Variants in FAF1 observed in about 807,000 individuals in gnomAD.
FAF1 encodes the protein Fas associated factor 1.
A neutral mutation model predicts 92.5 loss-of-function variants in FAF1; 25 were observed. That is an observed-to-expected ratio of 0.27 (90% CI 0.20 to 0.38). The LOEUF is 0.38. FAF1 is among the 10% of genes least tolerant of loss of function. The pLI, the probability that FAF1 is intolerant of heterozygous loss-of-function variation, is 1.00. For synonymous variants in FAF1, 234 were observed against 273.2 expected (o/e 0.86, Z 1.42); for missense variants, 636 against 793.3 (o/e 0.80, Z 2.38).
intron 13 of FAF1, among the ~76,000 whole-genome samples, chr1:50,566,730 A>C (rs556081798): frequency 3.3e-5 from 5 of 152,206 alleles, no homozygotes; most frequent in Non-Finnish European, 7.4e-5. Context: ...TACTACTAGG[A>C]TTATATATTA....
At chr1:50,605,286 C>G (rs1416674772) in intron 8 of FAF1, among the ~76,000 whole-genome samples, 1 of 152,138 alleles carries the variant, frequency 6.6e-6, no homozygotes, top group Non-Finnish European at 1.5e-5. Context: ...TACTTCATTA[C>G]TTATTGATTT....
chr1:50,580,163 A>G (rs2149064543), intron 12 of FAF1, among the ~76,000 whole-genome samples: 1 of 152,104 alleles, frequency 6.6e-6, no homozygotes, highest in East Asian at 1.9e-4. Flanking sequence ...ATTAAAATTT[A>G]TTTGAAGTTT....
At chr1:50,869,367 T>C (rs1644508492) in intron 1 of FAF1, among the ~76,000 whole-genome samples, 1 of 152,180 alleles carries the variant, frequency 6.6e-6, no homozygotes, top group African/African-American at 2.4e-5. Context: ...GTAATTATTA[T>C]GGTTGGGCTT....
chr1:50,954,539 G>C (rs1415488011), intron 1 of FAF1, among the ~76,000 whole-genome samples: 8 of 97,236 alleles, frequency 8.2e-5, no homozygotes, highest in Non-Finnish European at 1.5e-4. Flanking sequence ...AAAAAATTTT[G>C]ATTTTTTTTT....
intron 1 of FAF1, among the ~76,000 whole-genome samples, chr1:50,949,247 G>A (rs909217287): frequency 1.3e-5 from 2 of 152,234 alleles, no homozygotes; most frequent in Non-Finnish European, 2.9e-5. Flanking sequence ...CCAGCAACCT[G>A]TGGTTTAACA....
intron 1 of FAF1, among the ~76,000 whole-genome samples, chr1:50,907,481 T>C (rs531882465): frequency 6.0e-4 from 92 of 152,376 alleles, no homozygotes; most frequent in African/African-American, 2.2e-3. Flanking sequence ...GTACCTCTGG[T>C]AGAATTCGGT....
chr1:50,513,482 C>A (rs544356525), intron 15 of FAF1, among the ~76,000 whole-genome samples: 1 of 152,080 alleles, frequency 6.6e-6, no homozygotes, highest in Non-Finnish European at 1.5e-5. Flanking sequence ...CAGAGTGAGA[C>A]TCTGTCTCAA....
chr1:50,644,760 A>T (rs1209092565), intron 8 of FAF1, among the ~76,000 whole-genome samples: 1 of 152,188 alleles, frequency 6.6e-6, no homozygotes, highest in Non-Finnish European at 1.5e-5. Context: ...GCAGTTGTTT[A>T]CAGAGAGGGG....
chr1:50,720,505 C>T (rs140630592), intron 6 of FAF1, among the ~76,000 whole-genome samples: 306 of 152,230 alleles, frequency 2.0e-3, no homozygotes, highest in African/African-American at 7.0e-3. Flanking sequence ...AATACTTTTA[C>T]GGATAAATAT....
chr1:50,871,497 T>C (rs1009132427), intron 1 of FAF1, among the ~76,000 whole-genome samples: 1 of 152,204 alleles, frequency 6.6e-6, no homozygotes, highest in African/African-American at 2.4e-5. Flanking sequence ...CAATGCTTAT[T>C]GACCATTCTG....
At chr1:50,487,432 T>A (rs1225602683) in intron 17 of FAF1, among the ~76,000 whole-genome samples, 1 of 152,216 alleles carries the variant, frequency 6.6e-6, no homozygotes, top group Non-Finnish European at 1.5e-5. Flanking sequence ...TTTCCTTTAT[T>A]TCTATATCTA....
chr1:50,693,780 AG>A (rs1657045639), intron 7 of FAF1, among the ~76,000 whole-genome samples: 1 of 152,130 alleles, frequency 6.6e-6, no homozygotes, highest in African/African-American at 2.4e-5. Flanking sequence ...TTACTTATAC[AG>A]TCACTGCCTA....
chr1:50,720,000 CT>C (rs202064951), intron 6 of FAF1, among the ~76,000 whole-genome samples: 15,706 of 144,134 alleles, frequency 0.11, 949 homozygotes, highest in South Asian at 0.33. Flanking sequence ...ATTAAACACA[CT>C]TTTTTTTTTT....
chr1:50,640,295 G>GTT (rs937840700), intron 8 of FAF1, among the ~76,000 whole-genome samples: 27 of 142,080 alleles, frequency 1.9e-4, no homozygotes, highest in Non-Finnish European at 2.9e-4. Flanking sequence ...GTTGTGGCAA[G>GTT]TTTTTTTTTT....
intron 1 of FAF1, among the ~76,000 whole-genome samples, chr1:50,944,467 A>C (rs908724332): frequency 6.6e-6 from 1 of 152,194 alleles, no homozygotes; most frequent in African/African-American, 2.4e-5. Context: ...CCATTGCTAC[A>C]AAATCAGTAT....
chr1:50,954,526 A>C (rs573343162), intron 1 of FAF1, among the ~76,000 whole-genome samples: 22 of 141,732 alleles, frequency 1.6e-4, no homozygotes, highest in Admixed American at 3.9e-4. Flanking sequence ...ACAATAAAAA[A>C]ATAAAAAATT....
chr1:50,625,500 G>A (rs1267117274), intron 8 of FAF1, among the ~76,000 whole-genome samples: 3 of 152,192 alleles, frequency 2.0e-5, no homozygotes, highest in Non-Finnish European at 4.4e-5. Flanking sequence ...GGTAGTACAA[G>A]AAGAGATAAT....
chr1:50,739,354 GTA>G (rs1659285004), intron 5 of FAF1, among the ~76,000 whole-genome samples: 3 of 151,672 alleles, frequency 2.0e-5, no homozygotes, highest in Admixed American at 6.6e-5. Context: ...ATATACATGT[GTA>G]CATGTGTACA....
intron 4 of FAF1, among the ~76,000 whole-genome samples, chr1:50,774,719 T>A (rs1660893407): frequency 6.6e-6 from 1 of 152,136 alleles, no homozygotes; most frequent in Non-Finnish European, 1.5e-5. Context: ...AACAAATAGC[T>A]GCATGTTAGG....
Sources: gnomAD v4.1 joint callset for allele counts (sites outside exome capture counted in the v4.1 genomes callset) on GRCh38, gnomAD v4.1.1 for gene constraint, MANE v1.5 for transcripts, NCBI Gene and HGNC (gene_info 2026-07-23, HGNC 2026-07-21) for gene names.